The following BPIFA3 variants were observed in gnomAD, a reference collection of about 807,000 sequenced individuals.
BPIFA3 encodes the protein BPI fold-containing family A member 3.
In BPIFA3, 32 loss-of-function variants were observed where a neutral mutation model predicts 29.7. The ratio of observed to expected loss-of-function variants is 1.08; its 90% CI spans 0.81 to 1.45. BPIFA3 has a LOEUF of 1.45. BPIFA3 is among the 40% of genes most tolerant of loss of function. The probability of loss-of-function intolerance (pLI) is 0.00; values close to 1 mark genes in which losing one functional copy is unlikely to be tolerated. For missense variants in BPIFA3, 323 were observed against 311.3 expected, an observed-to-expected ratio of 1.04 and a Z score of -0.28; for synonymous variants, 112 against 113.7, an observed-to-expected ratio of 0.98 and a Z score of 0.10.
Position 33,222,672 on chromosome 20 carries a change from GTGGA to G in BPIFA3, c.128-1124_128-1121del, listed in dbSNP as rs1187681478. ...GATGGATGGATGGATGGATGGATGA[GTGGA>G]TGGATGGATGGATGAGCGGATGAAT... is the stretch of plus-strand genomic sequence containing the variant. On this transcript the variant is annotated intron_variant, in intron 1 of 6. Transcript: ENST00000375454. 1.7e-4 allele frequency among the ~76,000 whole-genome samples: 19 copies of G among 112,578 alleles called. 1 individual carries two copies. The highest frequency in any genetic ancestry group is 7.9e-4 in the African/African-American group (18 of 22,674). 73.9% of individuals were successfully genotyped at this position (112,578 alleles called of 152,430 possible). A position where few individuals can be genotyped will look rare whatever the true frequency, so the allele number is the denominator to read the frequency against.
rs751430789 is a variant in BPIFA3 at position 33,227,568 on chromosome 20, A to G, written c.716A>G (p.His239Arg). 2 of 1,614,062 alleles carry G rather than the reference A, an allele frequency of 1.2e-6. No individual in the cohort carries two copies. Among genetic ancestry groups the G allele is most frequent in the East Asian group, 2.2e-5 (1 of 44,898 alleles). The change falls in exon 7 of 7, where the codon CAT becomes CGT. Residue 239 changes from histidine to arginine, a missense_variant. Coordinates refer to ENST00000375454, the MANE Select transcript of BPIFA3 (RefSeq NM_178466.5). ...EQEAAHEPTH[H>R]ETSQPSACQA... ...GAGGCTGCTCATGAACCAACCCACC[A>G]TGAAACCAGCCAACCCTCTGCATGC...
intron 4 of BPIFA3, chr20:33,226,091 A>G (rs764260766): frequency 2.0e-4 from 51 of 255,096 alleles, no homozygotes; most frequent in Non-Finnish European, 3.4e-4. Context: ...ACCTCAGTGG[A>G]TGTCTGTTCA....
In BPIFA3 at chr20:33,223,757, C is replaced by T. The variant is rs138691140; in HGVS notation, c.128-54C>T. 2.6e-4 allele frequency: 402 copies of T among 1,572,178 alleles called. No individual in the cohort carries two copies. The African/African-American group carries it at 4.8e-3, about 19-fold the overall frequency. On this transcript the variant is annotated intron_variant, in intron 1 of 6. Coordinates refer to ENST00000375454, the MANE Select transcript of BPIFA3 (RefSeq NM_178466.5). ...CAACCCAGGCCTCCGAATCCCAAGC[C>T]CCCCACCTTTTCCGTGACACTGTGC...
In BPIFA3 at chr20:33,217,501, A is replaced by G; in HGVS notation, c.-36A>G. On this transcript the variant is annotated 5_prime_UTR_variant, in exon 1 of 7. Transcript: ENST00000375454. ...CCTCAAAGCCGTCTGCCCAGGCCCC[A>G]TCTGACACTCTTGACATCTGCAGGT... 2 of 1,609,146 alleles carry G rather than the reference A, an allele frequency of 1.2e-6. No individual in the cohort carries two copies. The highest frequency in any genetic ancestry group is 1.1e-5 in the South Asian group (1 of 90,304).
intron 1 of BPIFA3, 43 bp downstream of exon 1, chr20:33,217,706 G>A: frequency 3.2e-6 from 5 of 1,582,748 alleles, no homozygotes; most frequent in Middle Eastern, 1.7e-4. Context: ...ACGGGGCTGG[G>A]GAGGTGGGAA....
chr20:33,217,344 G>C (rs1295211351), upstream of BPIFA3: 1 of 589,784 alleles, frequency 1.7e-6, no homozygotes, highest in East Asian at 3.4e-5. Context: ...TCCACATGTT[G>C]CTCTCCCAAT....
intron 1 of BPIFA3, among the ~76,000 whole-genome samples, chr20:33,221,582 G>A (rs949516554): frequency 2.6e-5 from 4 of 152,194 alleles, no homozygotes; most frequent in Non-Finnish European, 4.4e-5. Flanking sequence ...CTCAGAGAAT[G>A]AATTTAACGT....
In BPIFA3 at chr20:33,227,728, C is replaced by T; in HGVS notation, c.*111C>T. 3.5e-6 allele frequency: 3 copies of T among 857,758 alleles called. No individual in the cohort carries two copies. Among genetic ancestry groups the T allele is most frequent in the African/African-American group, 1.7e-5 (1 of 59,698 alleles). 53.1% of individuals were successfully genotyped at this position (857,758 alleles called of 1,614,324 possible). On this transcript the variant is annotated 3_prime_UTR_variant, in exon 7 of 7. Transcript: ENST00000375454. The stretch of plus-strand genomic sequence containing the variant: ...CCAGGCTCTGTGGACATACCATCCT[C>T]TCCTACAATAAACTCTAGCTCTGAA...
chr20:33,226,369 G>T (rs767335179), intron 4 of BPIFA3, 37 bp from the exon 5 acceptor site: 46 of 1,458,766 alleles, frequency 3.2e-5, no homozygotes, highest in Admixed American at 1.0e-4. Context: ...TGCCTGGATT[G>T]CTCTGTTCTG....
At chr20:33,221,149 ATTT>A (rs11468471) in intron 1 of BPIFA3, among the ~76,000 whole-genome samples, 12,931 of 138,530 alleles carry the variant, frequency 0.093, 1,833 homozygotes, top group African/African-American at 0.31. Flanking sequence ...GTACTGTTAG[ATTT>A]TTTTTTTTTT....
At chr20:33,227,465 T>G in intron 6 of BPIFA3, 73 bp from the exon 7 acceptor site, 40 of 1,280,672 alleles carry the variant, frequency 3.1e-5, no homozygotes, top group Non-Finnish European at 4.2e-5. Context: ...CATGGATGGA[T>G]GAGGGTTTCC....
At chr20:33,223,743 T>C in intron 1 of BPIFA3, 68 bp from the exon 2 acceptor site, 1 of 1,551,882 alleles carries the variant, frequency 6.4e-7, no homozygotes, top group Non-Finnish European at 8.8e-7. Context: ...AACCCAGGCC[T>C]CCGAATCCCA....
chr20:33,217,422 T>C lies in BPIFA3; in HGVS notation c.-115T>C, dbSNP rs1985303089. The C allele has an allele frequency of 1.5e-6, 2 of 1,368,834 alleles. No individual in the cohort carries two copies. The highest frequency in any genetic ancestry group is 2.2e-5 in the Admixed American group (1 of 44,514). The allele number at this position is 1,368,834 out of a possible 1,614,324, so 84.8% of individuals were successfully genotyped here. On this transcript the variant is annotated 5_prime_UTR_variant, in exon 1 of 7. Transcript: ENST00000375454. ...CTCCCCACAGCATGCTGGGGGCTAA[T>C]TCTGATGTCATCTTTCTGCAGAAAA...
In BPIFA3 at chr20:33,223,771, G is replaced by A. The variant is rs373553999; in HGVS notation, c.128-40G>A. 1.1e-4 allele frequency: 176 copies of A among 1,585,222 alleles called. No individual in the cohort carries two copies. In the East Asian group the frequency reaches 1.8e-3, roughly 16 times the overall value. On this transcript the variant is annotated intron_variant, in intron 1 of 6. Coordinates refer to ENST00000375454, the MANE Select transcript of BPIFA3 (RefSeq NM_178466.5). Reference sequence around the variant, plus strand: ...GAATCCCAAGCCCCCCACCTTTTCCGTGACACTGTGCAAAGTCAGTGGTCC... The same window carrying A: ...GAATCCCAAGCCCCCCACCTTTTCCATGACACTGTGCAAAGTCAGTGGTCC...
chr20:33,224,085 G>C, intron 2 of BPIFA3, 124 bp downstream of exon 2: 2 of 1,287,356 alleles, frequency 1.6e-6, no homozygotes, highest in Non-Finnish European at 2.1e-6. Context: ...AAGATTGAAA[G>C]AAGAGAAGGT....
chr20:33,226,870 C>A, intron 5 of BPIFA3, 60 bp from the exon 6 acceptor site: 1 of 1,597,224 alleles, frequency 6.3e-7, no homozygotes, highest in South Asian at 1.1e-5. Flanking sequence ...CTGCCACAGT[C>A]ACTTCAGTTT....
intron 5 of BPIFA3, 64 bp downstream of exon 5, chr20:33,226,554 A>G: frequency 9.8e-7 from 1 of 1,025,300 alleles, no homozygotes. Flanking sequence ...GCATATATCC[A>G]CTGGCAATTT....
chr20:33,223,090 G>A (rs940902874), intron 1 of BPIFA3, among the ~76,000 whole-genome samples: 1 of 152,200 alleles, frequency 6.6e-6, no homozygotes, highest in African/African-American at 2.4e-5. Context: ...ATTCTTGTTT[G>A]TAAGCGACAG....
At chr20:33,223,761 C>G (rs1317748291) in intron 1 of BPIFA3, 50 bp from the exon 2 acceptor site, 5 of 1,576,126 alleles carry the variant, frequency 3.2e-6, no homozygotes, top group Middle Eastern at 3.4e-4. Flanking sequence ...CCAAGCCCCC[C>G]ACCTTTTCCG....
Sources: gnomAD v4.1 joint callset for allele counts (sites outside exome capture counted in the v4.1 genomes callset) on GRCh38, gnomAD v4.1.1 for gene constraint, MANE v1.5 for transcripts, NCBI Gene and HGNC (gene_info 2026-07-23, HGNC 2026-07-21) for gene names.